Variants in XPR1 observed in about 807,000 individuals in gnomAD.
The protein encoded by XPR1 is solute carrier family 53 member 1.
In XPR1, 28 loss-of-function variants were observed where a neutral mutation model predicts 87.5. The observed-to-expected ratio is 0.32, with a 90% CI of 0.24 to 0.44. The LOEUF (loss-of-function observed/expected upper bound fraction) is 0.44. Among genes scored for constraint, XPR1 ranks in the 20% least tolerant of loss-of-function variants. The pLI is 1.00. For missense variants in XPR1, 559 were observed against 862.3 expected (o/e 0.65, Z 4.41); for synonymous variants, 300 against 306.1 (o/e 0.98, Z 0.21).
chr1:180,634,776 AC>A (rs1453640006), intron 1 of XPR1, among the ~76,000 whole-genome samples: 1 of 151,930 alleles, frequency 6.6e-6, no homozygotes, highest in East Asian at 1.9e-4. Context: ...ATTAAATATT[AC>A]TTGAAATAAG....
At chr1:180,661,885 C>T (rs1655791906) in intron 1 of XPR1, among the ~76,000 whole-genome samples, 1 of 151,938 alleles carries the variant, frequency 6.6e-6, no homozygotes, top group Non-Finnish European at 1.5e-5. Flanking sequence ...AAAAACAAAA[C>T]AAAACAACAA....
At chr1:180,661,290 A>T (rs754589025) in intron 1 of XPR1, among the ~76,000 whole-genome samples, 1 of 152,058 alleles carries the variant, frequency 6.6e-6, no homozygotes, top group African/African-American at 2.4e-5. Flanking sequence ...TTAAAAAAAA[A>T]CAGGGTCTTG....
intron 2 of XPR1, among the ~76,000 whole-genome samples, chr1:180,691,676 C>T (rs2101957882): frequency 6.6e-6 from 1 of 152,226 alleles, no homozygotes; most frequent in African/African-American, 2.4e-5. Context: ...GCTTATTCTG[C>T]TTGGTTAGCA....
rs557936367 is a variant in XPR1 at position 180,661,491 on chromosome 1, G to A, written c.70-20869G>A. Among the ~76,000 whole-genome samples the A allele has an allele frequency of 7.8e-3, 1,165 of 149,032 alleles. 12 individuals are homozygous for A. The highest frequency in any genetic ancestry group is 0.011 in the Non-Finnish European group (704 of 66,400). On this transcript the variant is annotated intron_variant, in intron 1 of 14. Coordinates refer to ENST00000367590, the MANE Select transcript of XPR1 (RefSeq NM_004736.4). ...TTTAATTTTTCGTGTGTGTGTGTGT[G>A]TGTGTGTGTGTGTGTGTGTGTGTGT...
chr1:180,825,134 C>CT, intron 8 of XPR1, 31 bp from the exon 9 acceptor site: 1 of 1,559,058 alleles, frequency 6.4e-7, no homozygotes, highest in Non-Finnish European at 8.6e-7. Context: ...CAATTTTTCT[C>CT]TATCTTTCTG....
intron 1 of XPR1, among the ~76,000 whole-genome samples, chr1:180,672,157 C>A (rs1656202663): frequency 3.3e-5 from 5 of 152,104 alleles, no homozygotes; most frequent in Admixed American, 3.3e-4. Context: ...TGACATATTC[C>A]AAATTGATTC....
At chr1:180,829,795 C>T (rs980483725) in intron 9 of XPR1, among the ~76,000 whole-genome samples, 17 of 151,394 alleles carry the variant, frequency 1.1e-4, no homozygotes, top group African/African-American at 2.4e-4. Flanking sequence ...TTCATTTTCT[C>T]TTTTTGTAAA....
At chr1:180,720,863 T>TTA (rs1447967405) in intron 2 of XPR1, among the ~76,000 whole-genome samples, 2 of 152,310 alleles carry the variant, frequency 1.3e-5, no homozygotes, top group East Asian at 1.9e-4. Context: ...TATCATGCCT[T>TTA]TATATATATC....
At chr1:180,706,416 A>G (rs1340266176) in intron 2 of XPR1, among the ~76,000 whole-genome samples, 3 of 152,208 alleles carry the variant, frequency 2.0e-5, no homozygotes, top group Admixed American at 2.0e-4. Context: ...GTCAGCAACA[A>G]TTAGAGCCAT....
At chr1:180,866,372 A>G (rs1383556630) in intron 12 of XPR1, among the ~76,000 whole-genome samples, 1 of 152,258 alleles carries the variant, frequency 6.6e-6, no homozygotes, top group East Asian at 1.9e-4. Context: ...AGTTCTTAAA[A>G]TCAGTTCTTA....
chr1:180,880,354 A>G, intron 14 of XPR1, 57 bp downstream of exon 14: 2 of 1,589,634 alleles, frequency 1.3e-6, no homozygotes, highest in Non-Finnish European at 1.7e-6. Flanking sequence ...AGCATTGGGT[A>G]GCATGTAAGC....
intron 1 of XPR1, among the ~76,000 whole-genome samples, chr1:180,679,010 A>T (rs575622008): frequency 2.0e-5 from 3 of 152,106 alleles, no homozygotes; most frequent in Non-Finnish European, 4.4e-5. Flanking sequence ...CCTGGCTAAC[A>T]TGGTGAAACC....
chr1:180,713,180 G>T (rs1657865239), intron 2 of XPR1, among the ~76,000 whole-genome samples: 1 of 151,952 alleles, frequency 6.6e-6, no homozygotes, highest in African/African-American at 2.4e-5. Flanking sequence ...GCAGTGTTTT[G>T]TAGTATATGG....
chr1:180,883,810 T>G (rs1652921878), intron 14 of XPR1, among the ~76,000 whole-genome samples, 196 bp from the exon 15 acceptor site: 1 of 152,180 alleles, frequency 6.6e-6, no homozygotes, highest in Non-Finnish European at 1.5e-5. Flanking sequence ...CTGGTTGTGA[T>G]CTAGTTTCTT....
intron 2 of XPR1, among the ~76,000 whole-genome samples, chr1:180,718,965 C>T (rs1338340584): frequency 6.6e-6 from 1 of 152,184 alleles, no homozygotes; most frequent in Non-Finnish European, 1.5e-5. Context: ...CTGTACCCAG[C>T]CGGATCTGTA....
chr1:180,889,509 C>T lies in XPR1; in HGVS notation c.*5443C>T, dbSNP rs1391911691. The T allele has an allele frequency of 6.6e-6, 1 of 152,218 alleles. No homozygotes were observed. The highest frequency in any genetic ancestry group is 1.9e-4 in the East Asian group (1 of 5,198). The allele number at this position is 152,218 out of a possible 1,614,324, so 9.4% of individuals were successfully genotyped here. A position where few individuals can be genotyped will look rare whatever the true frequency, so the allele number is the denominator to read the frequency against. On this transcript the variant is annotated 3_prime_UTR_variant, in exon 15 of 15. Coordinates refer to ENST00000367590, the MANE Select transcript of XPR1 (RefSeq NM_004736.4). ...ATTATCTCTGAAGTCCCTACCTGCA[C>T]TTCCCTGATTGCCCTGTAGCAACAC...
In XPR1 at chr1:180,806,208, T is replaced by G. The variant is rs1363122599; in HGVS notation, c.594T>G (p.Thr198=). ...CKKINQLISE[T]EAVVTNELED... is the part of the protein sequence containing the mutation. ...AAATCAACCAGCTTATCTCTGAAAC[T>G]GAGGTACAATAATCTCGTTTATTTA... The change falls in exon 5 of 15, where the codon ACT becomes ACG. Residue 198 remains threonine (T), a synonymous_variant. Coordinates refer to ENST00000367590, the MANE Select transcript of XPR1 (RefSeq NM_004736.4). 6.2e-7 allele frequency: 1 copy of G among 1,612,324 alleles called. No homozygotes were observed. Among genetic ancestry groups the G allele is most frequent in the Non-Finnish European group, 8.5e-7 (1 of 1,178,892 alleles).
chr1:180,880,536 A>T (rs912774435), intron 14 of XPR1, among the ~76,000 whole-genome samples: 4 of 152,210 alleles, frequency 2.6e-5, no homozygotes, highest in Admixed American at 2.0e-4. Context: ...CTAAAGATCC[A>T]CTGTCTGGAG....
chr1:180,756,443 G>T (rs1289498015), intron 2 of XPR1, among the ~76,000 whole-genome samples: 4 of 152,052 alleles, frequency 2.6e-5, no homozygotes, highest in South Asian at 4.1e-4. Flanking sequence ...TCTTCTTTGG[G>T]ATAAGTCTAT....
Sources: gnomAD v4.1 joint callset for allele counts (sites outside exome capture counted in the v4.1 genomes callset) on GRCh38, gnomAD v4.1.1 for gene constraint, MANE v1.5 for transcripts, NCBI Gene and HGNC (gene_info 2026-07-23, HGNC 2026-07-21) for gene names.